PATJ: variants seen among roughly 807,000 people sequenced by gnomAD.
PATJ encodes the protein inaD-like protein.
Under a neutral mutation model 224.9 loss-of-function variants are expected in PATJ, and 190 were observed. The observed-to-expected ratio is 0.84, with a 90% CI of 0.75 to 0.95. The LOEUF (loss-of-function observed/expected upper bound fraction) is 0.95, where lower values mean the gene tolerates loss of function less well. Among genes scored for constraint, PATJ ranks in the 40% least tolerant of loss-of-function variants. PATJ has a pLI of 0.00. For synonymous variants in PATJ, 769 were observed against 820.3 expected (o/e 0.94, Z 1.07); for missense variants, 2,121 against 2,270.3 (o/e 0.93, Z 1.34).
chr1:61,766,678 A>C (rs1468094568), intron 4 of PATJ, among the ~76,000 whole-genome samples: 1 of 152,234 alleles, frequency 6.6e-6, no homozygotes, highest in African/African-American at 2.4e-5. Context: ...TAAGGAAAGT[A>C]TCCATGTATG....
At chr1:61,910,919 T>C (rs532198399) in intron 25 of PATJ, among the ~76,000 whole-genome samples, 2 of 152,304 alleles carry the variant, frequency 1.3e-5, no homozygotes, top group East Asian at 1.9e-4. Context: ...AAAATGGTGC[T>C]GTCTTTGGTT....
intron 30 of PATJ, 152 bp downstream of exon 30, chr1:62,038,201 T>C (rs1650801557): frequency 4.4e-6 from 2 of 453,104 alleles, no homozygotes; most frequent in African/African-American, 4.0e-5. Context: ...GTATTGATTA[T>C]AAAGTAACTT....
At chr1:61,922,670 T>C (rs1008747846) in intron 26 of PATJ, among the ~76,000 whole-genome samples, 1 of 152,208 alleles carries the variant, frequency 6.6e-6, no homozygotes, top group South Asian at 2.1e-4. Flanking sequence ...AAAAGCACTG[T>C]TTAAACTTTA....
intron 27 of PATJ, among the ~76,000 whole-genome samples, chr1:61,942,991 C>T (rs940113209): frequency 3.3e-5 from 5 of 152,130 alleles, no homozygotes; most frequent in Non-Finnish European, 7.3e-5. Flanking sequence ...TTCATAATAG[C>T]CAAAAACTGG....
At chr1:62,004,595 A>G (rs1402271857) in intron 28 of PATJ, among the ~76,000 whole-genome samples, 2 of 152,168 alleles carry the variant, frequency 1.3e-5, no homozygotes, top group African/African-American at 4.8e-5. Context: ...ATGTTGGTCA[A>G]ATTTCTTAAA....
chr1:61,906,041 A>T (rs1671811646), intron 24 of PATJ, among the ~76,000 whole-genome samples: 1 of 152,152 alleles, frequency 6.6e-6, no homozygotes, highest in South Asian at 2.1e-4. Context: ...TGTCACCTAT[A>T]CTTCTGACCA....
intron 6 of PATJ, among the ~76,000 whole-genome samples, chr1:61,772,985 A>G (rs1194861338): frequency 6.6e-6 from 1 of 152,156 alleles, no homozygotes; most frequent in African/African-American, 2.4e-5. Flanking sequence ...TGTTTCCCAG[A>G]TAGTAGATGT....
intron 28 of PATJ, among the ~76,000 whole-genome samples, chr1:62,005,939 A>G (rs771825811): frequency 2.0e-5 from 3 of 152,162 alleles, no homozygotes; most frequent in Non-Finnish European, 2.9e-5. Flanking sequence ...TTATGACGTG[A>G]TATTCACACC....
chr1:61,871,081 T>TG (rs1172215417), intron 20 of PATJ, among the ~76,000 whole-genome samples: 1 of 146,940 alleles, frequency 6.8e-6, no homozygotes, highest in East Asian at 1.9e-4. Flanking sequence ...TTTTTTTTGT[T>TG]TTTTTTTTTT....
chr1:61,793,446 AGTGC>A (rs1650318705), intron 9 of PATJ, among the ~76,000 whole-genome samples: 1 of 152,214 alleles, frequency 6.6e-6, no homozygotes, highest in Admixed American at 6.5e-5. Context: ...GGAAATGTCA[AGTGC>A]GTGCTGCGGA....
At chr1:61,869,173 C>T (rs1665900166) in intron 20 of PATJ, among the ~76,000 whole-genome samples, 1 of 136,900 alleles carries the variant, frequency 7.3e-6, no homozygotes, top group Non-Finnish European at 1.5e-5. Context: ...GTGGCGCCAT[C>T]TCGGCTCACT....
At chr1:62,064,500 T>G (rs1388685954) in intron 31 of PATJ, among the ~76,000 whole-genome samples, 1 of 152,068 alleles carries the variant, frequency 6.6e-6, no homozygotes, top group African/African-American at 2.4e-5. Context: ...AGCTAATTTT[T>G]TTTGTATTTT....
At chr1:62,034,454 A>T (rs1649970722) in intron 29 of PATJ, among the ~76,000 whole-genome samples, 1 of 151,934 alleles carries the variant, frequency 6.6e-6, no homozygotes, top group African/African-American at 2.4e-5. Flanking sequence ...AAAAAAAAAA[A>T]AAAAAAAAGC....
chr1:61,776,296 A>G (rs1646909272), intron 7 of PATJ, among the ~76,000 whole-genome samples: 1 of 152,226 alleles, frequency 6.6e-6, no homozygotes. Context: ...AGCTTTTACA[A>G]TAATACCACA....
intron 3 of PATJ, among the ~76,000 whole-genome samples, chr1:61,765,372 C>T (rs1461940301): frequency 4.6e-5 from 7 of 151,254 alleles, no homozygotes; most frequent in African/African-American, 4.9e-5. Flanking sequence ...CCATCACACC[C>T]GGCCTAACAT....
chr1:61,857,882 A>G (rs1263719578), intron 18 of PATJ, among the ~76,000 whole-genome samples: 4 of 152,224 alleles, frequency 2.6e-5, no homozygotes, highest in African/African-American at 9.7e-5. Flanking sequence ...AAAAGACTGA[A>G]TAAGACTAGA....
intron 29 of PATJ, among the ~76,000 whole-genome samples, chr1:62,025,113 A>G (rs977697792): frequency 1.3e-5 from 2 of 152,224 alleles, no homozygotes; most frequent in African/African-American, 4.8e-5. Flanking sequence ...CTTAATGAAC[A>G]GATAAGAAAT....
intron 29 of PATJ, among the ~76,000 whole-genome samples, chr1:62,022,824 C>T (rs1647166397): frequency 6.6e-6 from 1 of 152,162 alleles, no homozygotes; most frequent in Non-Finnish European, 1.5e-5. Context: ...ACCATGGGCT[C>T]CACCTTCCTG....
intron 27 of PATJ, among the ~76,000 whole-genome samples, chr1:61,985,441 T>C (rs1258431066): frequency 6.6e-6 from 1 of 152,152 alleles, no homozygotes; most frequent in Non-Finnish European, 1.5e-5. Context: ...TTTTTTAAAT[T>C]GTGGTAAAAT....
Sources: gnomAD v4.1 joint callset for allele counts (sites outside exome capture counted in the v4.1 genomes callset) on GRCh38, gnomAD v4.1.1 for gene constraint, MANE v1.5 for transcripts, NCBI Gene and HGNC (gene_info 2026-07-23, HGNC 2026-07-21) for gene names.